The following PCDH15 variants were observed in gnomAD, a reference collection of about 807,000 sequenced individuals.
PCDH15 encodes protocadherin related 15, also known as protocadherin-15.
PCDH15 carries 129 observed loss-of-function variants against 178.5 expected under a neutral mutation model. The ratio of observed to expected loss-of-function variants is 0.72; its 90% CI spans 0.63 to 0.84. The LOEUF is 0.84. Among genes scored for constraint, PCDH15 ranks in the 40% least tolerant of loss-of-function variants. The pLI, the probability that PCDH15 is intolerant of heterozygous loss-of-function variation, is 0.00. For missense variants in PCDH15, 2,230 were observed against 2,099.9 expected, an observed-to-expected ratio of 1.06 and a Z score of -1.21; for synonymous variants, 800 against 732.0, an observed-to-expected ratio of 1.09 and a Z score of -1.50.
At chr10:53,871,116 A>G (rs920950532) in intron 26 of PCDH15, among the ~76,000 whole-genome samples, 14 of 151,486 alleles carry the variant, frequency 9.2e-5, no homozygotes, top group Admixed American at 4.6e-4. Flanking sequence ...GGCGGGTCAC[A>G]AGGTCAGGAG....
chr10:55,421,629 G>T (rs1452708681), intron 2 of PCDH15, among the ~76,000 whole-genome samples: 1 of 150,900 alleles, frequency 6.6e-6, no homozygotes, highest in Non-Finnish European at 1.5e-5. Context: ...AAACTGATAT[G>T]TTAATGAACA....
chr10:55,529,390 G>T (rs1219158123), intron 2 of PCDH15, among the ~76,000 whole-genome samples: 4 of 151,798 alleles, frequency 2.6e-5, no homozygotes, highest in Admixed American at 1.3e-4. Context: ...AATCCATCTT[G>T]AATTAATTTT....
chr10:54,342,560 G>A (rs547114744), intron 6 of PCDH15, among the ~76,000 whole-genome samples: 9 of 134,506 alleles, frequency 6.7e-5, no homozygotes, highest in Admixed American at 3.0e-4. Context: ...TAATGCAGAG[G>A]GAAAAAGTGG....
At chr10:54,979,071 G>T (rs1045582278) in intron 2 of PCDH15, among the ~76,000 whole-genome samples, 1 of 152,136 alleles carries the variant, frequency 6.6e-6, no homozygotes, top group East Asian at 1.9e-4. Context: ...AGAAACAGGT[G>T]CAGAGAGATT....
At chr10:55,395,938 T>A (rs1262161084) in intron 2 of PCDH15, among the ~76,000 whole-genome samples, 1 of 152,122 alleles carries the variant, frequency 6.6e-6, no homozygotes, top group East Asian at 1.9e-4. Context: ...ATGTTTATAT[T>A]CAATCTAAAT....
At chr10:54,780,646 C>T (rs1443372764) in intron 1 of PCDH15, among the ~76,000 whole-genome samples, 1 of 149,738 alleles carries the variant, frequency 6.7e-6, no homozygotes. Flanking sequence ...AAGTTTCTGG[C>T]CAAAGAGTAG....
At chr10:54,274,025 T>C (rs1022725958) in intron 8 of PCDH15, among the ~76,000 whole-genome samples, 13 of 152,140 alleles carry the variant, frequency 8.5e-5, no homozygotes, top group East Asian at 5.8e-4. Context: ...CTTAGCAAAC[T>C]ACCACAGGAA....
rs189387672 is a variant in PCDH15, at chr10:53,913,442, A to T, written c.3374-10072T>A. ...AGACAAATGAGATCTAGTTAAAATA[A>T]AGAGCTTCTAGCCGGGCGCGGTGGC... is the stretch of plus-strand genomic sequence containing the variant. On this transcript the variant is annotated intron_variant, in intron 25 of 37. Transcript: ENST00000644397. Among the ~76,000 whole-genome samples the T allele has an allele frequency of 2.4e-3, 359 of 152,142 alleles. 1 individual carries two copies. The highest frequency in any genetic ancestry group is 7.9e-3 in the African/African-American group (328 of 41,514).
intron 2 of PCDH15, among the ~76,000 whole-genome samples, chr10:55,067,845 T>C (rs1329183962): frequency 1.3e-5 from 2 of 152,100 alleles, no homozygotes; most frequent in Admixed American, 6.6e-5. Flanking sequence ...TGATTAGTGA[T>C]GATGAGCATT....
At chr10:54,398,120 C>A (rs12773722) in intron 3 of PCDH15, among the ~76,000 whole-genome samples, 3 of 151,776 alleles carry the variant, frequency 2.0e-5, no homozygotes, top group Non-Finnish European at 4.4e-5. Flanking sequence ...GACTATCAGA[C>A]TTATTTCCAT....
intron 2 of PCDH15, among the ~76,000 whole-genome samples, chr10:55,100,600 T>A (rs911331943): frequency 1.3e-5 from 2 of 152,202 alleles, no homozygotes; most frequent in Admixed American, 1.3e-4. Context: ...TGTGCAGAGA[T>A]CACATGACAA....
At chr10:55,534,736 A>T (rs2132067429) in intron 2 of PCDH15, among the ~76,000 whole-genome samples, 1 of 152,240 alleles carries the variant, frequency 6.6e-6, no homozygotes, top group African/African-American at 2.4e-5. Context: ...AGGAAAATAA[A>T]TCATTATACC....
intron 2 of PCDH15, among the ~76,000 whole-genome samples, chr10:55,003,787 G>A (rs985941767): frequency 6.6e-6 from 1 of 152,158 alleles, no homozygotes; most frequent in Non-Finnish European, 1.5e-5. Flanking sequence ...AGAAGGATTG[G>A]CCTCATACCT....
intron 2 of PCDH15, among the ~76,000 whole-genome samples, chr10:55,084,122 C>A (rs751129253): frequency 3.3e-4 from 50 of 151,556 alleles, no homozygotes; most frequent in Non-Finnish European, 5.9e-4. Flanking sequence ...CAAAGTCATC[C>A]TGGGAAAAAG....
intron 18 of PCDH15, among the ~76,000 whole-genome samples, chr10:54,039,073 T>C (rs964390074): frequency 9.9e-5 from 15 of 152,164 alleles, no homozygotes; most frequent in Admixed American, 2.6e-4. Flanking sequence ...TTTTTTCTTT[T>C]AGTTCTTATA....
At chr10:55,430,409 G>T (rs1338554309) in intron 2 of PCDH15, among the ~76,000 whole-genome samples, 2 of 152,252 alleles carry the variant, frequency 1.3e-5, no homozygotes, top group East Asian at 1.9e-4. Flanking sequence ...TCAAGCAAAG[G>T]TTTAATCATT....
chr10:54,356,234 C>T (rs1184358923), intron 5 of PCDH15, among the ~76,000 whole-genome samples: 1 of 151,972 alleles, frequency 6.6e-6, no homozygotes, highest in East Asian at 1.9e-4. Flanking sequence ...TTGAAACATT[C>T]ATGCACAAAG....
chr10:54,745,021 C>A (rs1210672692), intron 1 of PCDH15, among the ~76,000 whole-genome samples: 2 of 152,062 alleles, frequency 1.3e-5, no homozygotes, highest in African/African-American at 2.4e-5. Context: ...AACTATATTT[C>A]ATGCGTAACA....
chr10:55,622,188 T>TATATATA (rs1298530334), intron 2 of PCDH15, among the ~76,000 whole-genome samples: 5 of 88,458 alleles, frequency 5.7e-5, no homozygotes, highest in African/African-American at 9.5e-5. Context: ...TATATATACA[T>TATATATA]TTTATGTAGA....
Sources: allele counts gnomAD v4.1 joint callset (sites outside exome capture counted in the v4.1 genomes callset), GRCh38; gene constraint gnomAD v4.1.1; transcripts MANE v1.5; gene names NCBI Gene and HGNC (gene_info 2026-07-23, HGNC 2026-07-21).